MYLK: variants seen among roughly 807,000 people sequenced by gnomAD.
The protein encoded by MYLK is myosin light chain kinase, also known as myosin light chain kinase, smooth muscle.
In MYLK, 106 loss-of-function variants were observed where a neutral mutation model predicts 203.4. That is an observed-to-expected ratio of 0.52 (90% CI 0.45 to 0.61). MYLK has a LOEUF of 0.61. Among genes scored for constraint, MYLK ranks in the 20% least tolerant of loss-of-function variants. The pLI is 0.00. For missense variants in MYLK, 2,072 were observed against 2,442.3 expected, an observed-to-expected ratio of 0.85 and a Z score of 3.20; for synonymous variants, 867 against 959.5, an observed-to-expected ratio of 0.90 and a Z score of 1.78.
At chr3:123,770,931 GT>G (rs2063861835) in intron 4 of MYLK, among the ~76,000 whole-genome samples, 1 of 152,204 alleles carries the variant, frequency 6.6e-6, no homozygotes, top group Admixed American at 6.5e-5. Flanking sequence ...TCCCCAGAAT[GT>G]TCATAAGAAG....
intron 13 of MYLK, among the ~76,000 whole-genome samples, chr3:123,720,912 A>T (rs1183610602): frequency 6.6e-6 from 1 of 152,136 alleles, no homozygotes; most frequent in Non-Finnish European, 1.5e-5. Context: ...GTCCTCTGAA[A>T]AAGGTCAGGG....
intron 28 of MYLK, 127 bp from the exon 29 acceptor site, chr3:123,638,321 A>G: frequency 2.9e-6 from 4 of 1,362,950 alleles, no homozygotes; most frequent in Non-Finnish European, 4.1e-6. Flanking sequence ...GGCACAGAGA[A>G]CAGGCACAGA....
At chr3:123,719,382 T>C (rs2062013440) in intron 13 of MYLK, among the ~76,000 whole-genome samples, 1 of 152,198 alleles carries the variant, frequency 6.6e-6, no homozygotes, top group Non-Finnish European at 1.5e-5. Context: ...GATTCTCTGA[T>C]GGCCAAACAA....
chr3:123,656,377 C>T (rs556441757), intron 24 of MYLK, among the ~76,000 whole-genome samples: 273 of 152,318 alleles, frequency 1.8e-3, no homozygotes, highest in Non-Finnish European at 3.3e-3. Context: ...ATGAACTTCA[C>T]AACTTTACCT....
intron 19 of MYLK, among the ~76,000 whole-genome samples, chr3:123,685,278 G>A (rs935123037): frequency 2.0e-5 from 3 of 152,170 alleles, no homozygotes; most frequent in African/African-American, 7.2e-5. Context: ...CACATGCAAC[G>A]GTGTTTTGGA....
chr3:123,700,901 C>T lies in MYLK; in HGVS notation c.2567G>A (p.Arg856Lys). ...YGSLRPGWPARGQGWLEEEDG... is the reference protein window; with the variant it reads ...YGSLRPGWPAKGQGWLEEEDG... ...TTCCTCCTCTAGCCAACCCTGCCCT[C>T]TTGCTGGCCAGCCAGGCCTCAGGGA... Residue 856 changes from arginine (R) to lysine (K), a missense_variant, in exon 18 of 34, where the codon AGA becomes AAA. This residue lies in a region of MYLK where 865 missense variants were observed against 1,016.0 expected (regional missense o/e 0.85). Transcript: ENST00000360304. 1.2e-6 allele frequency: 2 copies of T among 1,612,804 alleles called. No individual in the cohort carries two copies. Among genetic ancestry groups the T allele is most frequent in the South Asian group, 1.1e-5 (1 of 91,082 alleles).
chr3:123,881,782 T>G (rs1330907197), intron 1 of MYLK, among the ~76,000 whole-genome samples: 4 of 152,076 alleles, frequency 2.6e-5, no homozygotes, highest in African/African-American at 9.7e-5. Flanking sequence ...CCCAGCGCAT[T>G]CACAATCTAT....
chr3:123,632,262 G>A lies in MYLK; in HGVS notation c.4962-2636C>T, dbSNP rs557101779. 2.0e-5 allele frequency among the ~76,000 whole-genome samples: 3 copies of A among 152,012 alleles called. No individual in the cohort carries two copies. In the South Asian group the frequency reaches 6.2e-4, roughly 32 times the overall value. On this transcript the variant is annotated intron_variant, in intron 29 of 33. Coordinates refer to ENST00000360304, the MANE Select transcript of MYLK (RefSeq NM_053025.4). Reference sequence around the variant, plus strand: ...CTGTCTCTGTGACCCCGACCCCCACGTGGCCCATGCAAGCCCCATCAGGAA... The same window carrying A: ...CTGTCTCTGTGACCCCGACCCCCACATGGCCCATGCAAGCCCCATCAGGAA...
Position 123,878,604 on chromosome 3 carries a change from T to C in MYLK, c.-185-1987A>G, listed in dbSNP as rs555012798. Among the ~76,000 whole-genome samples the C allele has an allele frequency of 7.2e-5, 11 of 152,332 alleles. No individual in the cohort carries two copies. In the South Asian group the frequency reaches 2.1e-3, roughly 29 times the overall value. ...AATGTGTATCCATTCTTCCTGCCTA[T>C]GTCAGGCCGTTCACCTTCCTATGCC... On this transcript the variant is annotated intron_variant, in intron 1 of 33. Coordinates refer to ENST00000360304, the MANE Select transcript of MYLK (RefSeq NM_053025.4).
Position 123,793,629 on chromosome 3 carries a change from C to T in MYLK, c.165+48G>A, listed in dbSNP as rs559817532. ...AAAAGGCTTGACAAGGAGCAGCGGCCCCTGCCCATCCTTCCCCACAGCCTC... is the reference window on the plus strand; with the variant it reads ...AAAAGGCTTGACAAGGAGCAGCGGCTCCTGCCCATCCTTCCCCACAGCCTC... On this transcript the variant is annotated intron_variant, in intron 4 of 33. Transcript: ENST00000360304. 3.7e-6 allele frequency: 6 copies of T among 1,607,142 alleles called. No homozygotes were observed. The South Asian group carries it at 5.5e-5, about 15-fold the overall frequency.
chr3:123,842,408 G>T (rs1054758194), intron 2 of MYLK, among the ~76,000 whole-genome samples: 1 of 152,092 alleles, frequency 6.6e-6, no homozygotes, highest in Non-Finnish European at 1.5e-5. Context: ...GGCCAATTCT[G>T]CTCAATTTAA....
intron 20 of MYLK, among the ~76,000 whole-genome samples, chr3:123,680,028 CCT>C (rs1455450873): frequency 6.6e-6 from 1 of 152,176 alleles, no homozygotes; most frequent in African/African-American, 2.4e-5. Context: ...GGCACCCACC[CCT>C]GAGATTCTGA....
chr3:123,714,146 A>T (rs1315538406), intron 13 of MYLK, among the ~76,000 whole-genome samples: 1 of 152,188 alleles, frequency 6.6e-6, no homozygotes. Context: ...TGTTACCCTC[A>T]ACATCTCGGA....
chr3:123,855,763 C>G (rs1365831371), intron 2 of MYLK, among the ~76,000 whole-genome samples: 2 of 152,080 alleles, frequency 1.3e-5, no homozygotes, highest in Non-Finnish European at 2.9e-5. Flanking sequence ...ATCACTTTGC[C>G]AAAGCCTCTC....
At chr3:123,830,550 T>C (rs1305389510) in intron 3 of MYLK, among the ~76,000 whole-genome samples, 3 of 152,086 alleles carry the variant, frequency 2.0e-5, no homozygotes, top group Non-Finnish European at 2.9e-5. Flanking sequence ...AAATTATCAG[T>C]ATTATTTTTT....
At chr3:123,819,767 T>C (rs955117691) in intron 3 of MYLK, among the ~76,000 whole-genome samples, 5 of 151,552 alleles carry the variant, frequency 3.3e-5, no homozygotes, top group Non-Finnish European at 7.4e-5. Context: ...TTCTGTTCAT[T>C]TGAGATATTT....
intron 20 of MYLK, among the ~76,000 whole-genome samples, chr3:123,667,408 C>T (rs1015732094): frequency 2.0e-5 from 3 of 151,972 alleles, no homozygotes; most frequent in Admixed American, 6.5e-5. Flanking sequence ...TTGAGACCAG[C>T]CTGGCCAGCG....
intron 4 of MYLK, among the ~76,000 whole-genome samples, chr3:123,791,330 A>T (rs896322552): frequency 1.3e-5 from 2 of 152,218 alleles, no homozygotes; most frequent in East Asian, 3.8e-4. Context: ...CACTTCTTTG[A>T]GGTCACCAGG....
chr3:123,796,099 GGTTCCCTGCA>G (rs1382993739), intron 3 of MYLK, among the ~76,000 whole-genome samples: 10 of 152,240 alleles, frequency 6.6e-5, no homozygotes, highest in Non-Finnish European at 1.3e-4. Context: ...AAGACTCACA[GGTTCCCTGCA>G]GTAGGTAGCA....
Sources: gnomAD v4.1 joint callset for allele counts (sites outside exome capture counted in the v4.1 genomes callset) on GRCh38, gnomAD v4.1.1 for gene constraint, gnomAD v4.1.1 regional missense constraint, MANE v1.5 for transcripts, NCBI Gene and HGNC (gene_info 2026-07-23, HGNC 2026-07-21) for gene names.